The following AGBL4 variants were observed in gnomAD, a reference collection of about 807,000 sequenced individuals.
The protein encoded by AGBL4 is AGBL carboxypeptidase 4.
Under a neutral mutation model 66.4 loss-of-function variants are expected in AGBL4, and 58 were observed. The observed-to-expected ratio is 0.87, with a 90% CI of 0.71 to 1.09. AGBL4 has a LOEUF of 1.09. Among genes scored for constraint, AGBL4 ranks in the 50% least tolerant of loss-of-function variants. AGBL4 has a pLI of 0.00. For synonymous variants in AGBL4, 234 were observed against 222.9 expected (o/e 1.05, Z -0.44); for missense variants, 579 against 631.0 (o/e 0.92, Z 0.88).
intron 9 of AGBL4, among the ~76,000 whole-genome samples, chr1:48,598,735 C>T (rs995136067): frequency 6.6e-6 from 1 of 151,992 alleles, no homozygotes; most frequent in African/African-American, 2.4e-5. Flanking sequence ...GGCACAATCT[C>T]GGCTCACTGG....
chr1:48,761,369 C>T (rs1644247490), intron 6 of AGBL4: 1 of 1,551,990 alleles, frequency 6.4e-7, no homozygotes, highest in Non-Finnish European at 8.7e-7. Flanking sequence ...TCTTCTTCCC[C>T]ATAATCTTTA....
chr1:50,006,428 A>G lies in AGBL4; in HGVS notation c.34+17335T>C, dbSNP rs569470450. ...GAGGATTTCCCAAACTCAGAGAAAG[A>G]TATCAATATTCAAGTACAAGAAGGT... is the stretch of plus-strand genomic sequence containing the variant. On this transcript the variant is annotated intron_variant, in intron 1 of 13. Coordinates refer to ENST00000371839, the MANE Select transcript of AGBL4 (RefSeq NM_032785.4). Among the ~76,000 whole-genome samples the G allele has an allele frequency of 1.4e-3, 210 of 152,238 alleles. 1 individual carries two copies. The highest frequency in any genetic ancestry group is 4.8e-3 in the African/African-American group (200 of 41,574).
At chr1:49,807,511 A>T (rs1645002302) in intron 2 of AGBL4, among the ~76,000 whole-genome samples, 1 of 152,232 alleles carries the variant, frequency 6.6e-6, no homozygotes, top group Admixed American at 6.5e-5. Flanking sequence ...GTGTGATTTC[A>T]TAGGTACATA....
rs76309793 is a variant in AGBL4, at chr1:48,992,094, T to A, written c.594+53490A>T. Among the ~76,000 whole-genome samples, 59 of 152,292 alleles carry A rather than the reference T, an allele frequency of 3.9e-4. No individual in the cohort carries two copies. The East Asian group carries it at 0.011, about 28-fold the overall frequency. The stretch of plus-strand genomic sequence containing the variant: ...TTGAATCATTAGGGATTTATTGTAG[T>A]CTTCACAGTCTGGGTTAATTTGTAT... On this transcript the variant is annotated intron_variant, in intron 5 of 13. Transcript: ENST00000371839.
intron 11 of AGBL4, among the ~76,000 whole-genome samples, chr1:48,571,257 T>C (rs549468907): frequency 6.6e-6 from 1 of 152,362 alleles, no homozygotes; most frequent in South Asian, 2.1e-4. Flanking sequence ...ACATGTATGA[T>C]TTCTGAGTCT....
chr1:49,024,457 T>TTCC (rs1663486936), intron 5 of AGBL4, among the ~76,000 whole-genome samples: 1 of 152,134 alleles, frequency 6.6e-6, no homozygotes, highest in Non-Finnish European at 1.5e-5. Context: ...TCCTTTCTCA[T>TTCC]TCCTCATCAG....
chr1:48,784,613 G>A (rs930726800), intron 6 of AGBL4, among the ~76,000 whole-genome samples: 7 of 152,136 alleles, frequency 4.6e-5, no homozygotes, highest in Non-Finnish European at 7.3e-5. Flanking sequence ...AAACTTCTAT[G>A]CATTATATAA....
At chr1:49,850,417 A>G (rs919588842) in intron 2 of AGBL4, among the ~76,000 whole-genome samples, 1 of 152,144 alleles carries the variant, frequency 6.6e-6, no homozygotes, top group Non-Finnish European at 1.5e-5. Context: ...ACTGTGAGAC[A>G]ATACATTTCT....
At chr1:49,446,948 C>T (rs1187191459) in intron 3 of AGBL4, among the ~76,000 whole-genome samples, 2 of 152,138 alleles carry the variant, frequency 1.3e-5, no homozygotes, top group Non-Finnish European at 2.9e-5. Flanking sequence ...CATAGTGAGG[C>T]AGGGACCCCA....
chr1:48,712,130 C>T (rs576729011), intron 6 of AGBL4, among the ~76,000 whole-genome samples: 1 of 152,194 alleles, frequency 6.6e-6, no homozygotes, highest in African/African-American at 2.4e-5. Flanking sequence ...CTCCCCTTCT[C>T]CCCCCAGGAA....
At chr1:48,962,792 C>A (rs563981806) in intron 5 of AGBL4, among the ~76,000 whole-genome samples, 10 of 152,246 alleles carry the variant, frequency 6.6e-5, no homozygotes, top group African/African-American at 2.4e-4. Flanking sequence ...TCCATTTCTT[C>A]AATTCTATAT....
At chr1:49,246,554 T>C (rs1239320382) in intron 3 of AGBL4, among the ~76,000 whole-genome samples, 15 of 151,874 alleles carry the variant, frequency 9.9e-5, no homozygotes, top group South Asian at 6.2e-4. Context: ...AGTACTTGGG[T>C]AAATCTCTCC....
In AGBL4 at chr1:49,425,982, C is replaced by T. The variant is rs116218025; in HGVS notation, c.283-180118G>A. On this transcript the variant is annotated intron_variant, in intron 3 of 13. Transcript: ENST00000371839. The stretch of plus-strand genomic sequence containing the variant: ...ACCTCACTGAGCCTCAGTTGCCTTC[C>T]CCAAGATGATAATGAACAGATGAGC... Among the ~76,000 whole-genome samples, 1,158 of 152,196 alleles carry T rather than the reference C, an allele frequency of 7.6e-3. 11 individuals are homozygous for T. The highest frequency in any genetic ancestry group is 0.024 in the Middle Eastern group (7 of 294).
At chr1:48,818,659 G>T (rs750173370) in intron 6 of AGBL4, among the ~76,000 whole-genome samples, 1 of 151,820 alleles carries the variant, frequency 6.6e-6, no homozygotes, top group East Asian at 1.9e-4. Context: ...AAAAACAATG[G>T]TTATGAACAA....
At chr1:48,581,605 T>TA (rs1644741457) in intron 11 of AGBL4, among the ~76,000 whole-genome samples, 1 of 152,196 alleles carries the variant, frequency 6.6e-6, no homozygotes, top group Non-Finnish European at 1.5e-5. Flanking sequence ...GGCAGGCCAG[T>TA]AAAATGTAAA....
intron 3 of AGBL4, among the ~76,000 whole-genome samples, chr1:49,509,788 A>AAGGGGTATT (rs1558007585): frequency 6.6e-6 from 1 of 151,924 alleles, no homozygotes; most frequent in African/African-American, 2.4e-5. Context: ...TAGTTTCCTC[A>AAGGGGTATT]TCCATAAAAT....
At chr1:49,416,979 T>C (rs530535922) in intron 3 of AGBL4, among the ~76,000 whole-genome samples, 69 of 152,246 alleles carry the variant, frequency 4.5e-4, no homozygotes, top group African/African-American at 1.2e-3. Flanking sequence ...TAAAGCTCAC[T>C]GCTCCATGAC....
chr1:49,381,809 A>G (rs1437259453), intron 3 of AGBL4, among the ~76,000 whole-genome samples: 7 of 140,146 alleles, frequency 5.0e-5, no homozygotes, highest in Non-Finnish European at 1.1e-4. Flanking sequence ...GAACACATGG[A>G]CACTGGAAGG....
intron 5 of AGBL4, among the ~76,000 whole-genome samples, chr1:48,969,320 C>T (rs1658716860): frequency 6.6e-6 from 1 of 152,142 alleles, no homozygotes; most frequent in South Asian, 2.1e-4. Flanking sequence ...TTCTCTTCCT[C>T]AGTGCCCTCT....
Sources: allele counts gnomAD v4.1 joint callset (sites outside exome capture counted in the v4.1 genomes callset), GRCh38; gene constraint gnomAD v4.1.1; transcripts MANE v1.5; gene names NCBI Gene and HGNC (gene_info 2026-07-23, HGNC 2026-07-21).